The following EYS variants were observed in gnomAD, a reference collection of about 807,000 sequenced individuals.
EYS encodes protein eyes shut homolog.
In EYS, 250 loss-of-function variants were observed where a neutral mutation model predicts 282.1. The observed-to-expected ratio is 0.89, with a 90% CI of 0.80 to 0.98. EYS has a LOEUF of 0.98. Ranked by LOEUF, EYS falls within the 50% of genes least tolerant of loss-of-function variation. The pLI is 0.00. For synonymous variants in EYS, 1,355 were observed against 1,282.9 expected (o/e 1.06, Z -1.20); for missense variants, 4,016 against 3,709.0 (o/e 1.08, Z -2.15).
chr6:64,727,323 T>A (rs989306243), intron 22 of EYS, among the ~76,000 whole-genome samples: 2 of 152,214 alleles, frequency 1.3e-5, no homozygotes, highest in Non-Finnish European at 2.9e-5. Context: ...GTTTTCTCAC[T>A]TGCACAAAGC....
chr6:64,998,323 G>A (rs927256846), intron 13 of EYS, among the ~76,000 whole-genome samples: 2 of 152,154 alleles, frequency 1.3e-5, no homozygotes, highest in Admixed American at 1.3e-4. Context: ...ATTGCAGTTG[G>A]AGCAGGCACC....
At chr6:64,240,120 T>A (rs1766757120) in intron 30 of EYS, among the ~76,000 whole-genome samples, 1 of 152,182 alleles carries the variant, frequency 6.6e-6, no homozygotes, top group African/African-American at 2.4e-5. Flanking sequence ...TATATCTCTG[T>A]TTTGGTACCA....
chr6:64,664,001 C>T (rs770898239), intron 22 of EYS, among the ~76,000 whole-genome samples: 8 of 152,208 alleles, frequency 5.3e-5, no homozygotes, highest in Non-Finnish European at 8.8e-5. Context: ...CATTAGGCGC[C>T]TTGCTGGATT....
intron 11 of EYS, among the ~76,000 whole-genome samples, chr6:65,313,430 T>C (rs1311383273): frequency 6.6e-6 from 1 of 151,752 alleles, no homozygotes; most frequent in East Asian, 1.9e-4. Flanking sequence ...TATCTGGGTG[T>C]CCTTTAGGCA....
intron 2 of EYS, among the ~76,000 whole-genome samples, chr6:65,602,623 C>T (rs1462354257): frequency 1.3e-5 from 2 of 151,858 alleles, no homozygotes; most frequent in Non-Finnish European, 2.9e-5. Flanking sequence ...GGTACTTGTG[C>T]TCATGTTTTG....
intron 22 of EYS, among the ~76,000 whole-genome samples, chr6:64,633,455 G>T (rs185283012): frequency 6.6e-6 from 1 of 152,182 alleles, no homozygotes; most frequent in Admixed American, 6.5e-5. Context: ...GCTGGGTGCA[G>T]GTTGTTTATT....
At chr6:63,847,679 A>T (rs1772134885) in intron 36 of EYS, among the ~76,000 whole-genome samples, 1 of 152,210 alleles carries the variant, frequency 6.6e-6, no homozygotes, top group Admixed American at 6.5e-5. Context: ...GCCTGAGTTG[A>T]CAAAATCAAT....
At chr6:65,688,787 T>G (rs1384470257) in intron 1 of EYS, among the ~76,000 whole-genome samples, 2 of 151,630 alleles carry the variant, frequency 1.3e-5, no homozygotes, top group African/African-American at 4.8e-5. Context: ...TCATCATCAC[T>G]GGCCATCAGA....
chr6:65,191,854 C>CA (rs1344570645), intron 12 of EYS, among the ~76,000 whole-genome samples: 6 of 151,814 alleles, frequency 4.0e-5, no homozygotes, highest in African/African-American at 4.8e-5. Flanking sequence ...AGGTGATCAC[C>CA]ATGCTGCCTT....
At chr6:63,995,994 G>A (rs1365250149) in intron 34 of EYS, among the ~76,000 whole-genome samples, 1 of 150,268 alleles carries the variant, frequency 6.7e-6, no homozygotes, top group African/African-American at 2.4e-5. Flanking sequence ...TAATGGATAT[G>A]CTAATTTGCT....
At chr6:64,580,142 A>G (rs897872599) in intron 26 of EYS, among the ~76,000 whole-genome samples, 5 of 152,114 alleles carry the variant, frequency 3.3e-5, no homozygotes, top group Non-Finnish European at 7.3e-5. Flanking sequence ...AACTTGATAA[A>G]TCTTTGTGAC....
intron 9 of EYS, among the ~76,000 whole-genome samples, chr6:65,345,362 T>G (rs1582166022): frequency 6.6e-6 from 1 of 151,850 alleles, no homozygotes; most frequent in East Asian, 2.0e-4. Context: ...TGAGAGTAAT[T>G]AACTCAAACA....
chr6:64,550,678 T>C (rs561213296), intron 26 of EYS, among the ~76,000 whole-genome samples: 2 of 152,270 alleles, frequency 1.3e-5, no homozygotes, highest in South Asian at 4.1e-4. Flanking sequence ...ATTGTCCCTG[T>C]TTTCAGATGA....
chr6:65,117,184 C>A (rs772602111), intron 12 of EYS, among the ~76,000 whole-genome samples: 1 of 152,166 alleles, frequency 6.6e-6, no homozygotes, highest in Non-Finnish European at 1.5e-5. Flanking sequence ...CATTACTTAG[C>A]CTAACCCAAG....
intron 8 of EYS, among the ~76,000 whole-genome samples, chr6:65,373,638 T>C (rs1009351261): frequency 6.6e-6 from 1 of 152,050 alleles, no homozygotes; most frequent in African/African-American, 2.4e-5. Flanking sequence ...TCACAAAACA[T>C]TTTAACTTGA....
intron 35 of EYS, among the ~76,000 whole-genome samples, chr6:63,960,144 T>C (rs1765996171): frequency 6.6e-6 from 1 of 152,176 alleles, no homozygotes; most frequent in Non-Finnish European, 1.5e-5. Context: ...TCTAGATGCA[T>C]TAAGAACATC....
At chr6:65,181,493 C>G (rs1765382577) in intron 12 of EYS, among the ~76,000 whole-genome samples, 1 of 152,126 alleles carries the variant, frequency 6.6e-6, no homozygotes. Flanking sequence ...AAATGCAAAT[C>G]AAAACCATAA....
chr6:63,984,251 T>C, intron 35 of EYS, 132 bp downstream of exon 35: 2 of 655,288 alleles, frequency 3.1e-6, no homozygotes, highest in South Asian at 1.7e-5. Context: ...ATCATTTAGG[T>C]GATGCATAGA....
intron 28 of EYS, among the ~76,000 whole-genome samples, chr6:64,402,133 A>G (rs1459887399): frequency 6.6e-6 from 1 of 152,112 alleles, no homozygotes; most frequent in Non-Finnish European, 1.5e-5. Flanking sequence ...TATAATTAAG[A>G]CTTTATCTAA....
Sources: allele counts gnomAD v4.1 joint callset (sites outside exome capture counted in the v4.1 genomes callset), GRCh38; gene constraint gnomAD v4.1.1; transcripts MANE v1.5; gene names NCBI Gene and HGNC (gene_info 2026-07-23, HGNC 2026-07-21).